CACNA2D1: variants seen among roughly 807,000 people sequenced by gnomAD.
CACNA2D1 encodes calcium voltage-gated channel auxiliary subunit alpha2delta 1.
Under a neutral mutation model 171.5 loss-of-function variants are expected in CACNA2D1, and 53 were observed. The ratio of observed to expected loss-of-function variants is 0.31; its 90% CI spans 0.25 to 0.39. The LOEUF (loss-of-function observed/expected upper bound fraction) is 0.39, where lower values mean the gene tolerates loss of function less well. Among genes scored for constraint, CACNA2D1 ranks in the 10% least tolerant of loss-of-function variants. The pLI is 1.00. For synonymous variants in CACNA2D1, 442 were observed against 443.1 expected (o/e 1.00, Z 0.03); for missense variants, 903 against 1,299.8 (o/e 0.69, Z 4.69).
At chr7:82,205,348 T>G (rs1333572151) in intron 3 of CACNA2D1, among the ~76,000 whole-genome samples, 1 of 152,148 alleles carries the variant, frequency 6.6e-6, no homozygotes, top group East Asian at 1.9e-4. Context: ...TTTGAAGGCT[T>G]GGGGGGAATC....
In CACNA2D1 at chr7:82,084,937, T is replaced by C. The variant is rs559067312; in HGVS notation, c.527-37A>G. ...GAGAGAAACCATTAATTAATTCAAA[T>C]TTGTAATTAAAAACTGAATGTCTTC... is the stretch of plus-strand genomic sequence containing the variant. On this transcript the variant is annotated intron_variant, in intron 6 of 38. Coordinates refer to ENST00000356860, the MANE Select transcript of CACNA2D1 (RefSeq NM_000722.4). 93 of 1,534,378 alleles carry C rather than the reference T, an allele frequency of 6.1e-5. No individual in the cohort carries two copies. The East Asian group carries it at 1.9e-3, about 32-fold the overall frequency.
intron 2 of CACNA2D1, among the ~76,000 whole-genome samples, chr7:82,341,114 T>C (rs1222700914): frequency 1.3e-5 from 2 of 152,174 alleles, no homozygotes; most frequent in African/African-American, 4.8e-5. Flanking sequence ...GCTTTCGAAC[T>C]ACTTGTTCCC....
At chr7:82,169,201 C>G (rs780584813) in intron 4 of CACNA2D1, among the ~76,000 whole-genome samples, 11 of 152,022 alleles carry the variant, frequency 7.2e-5, no homozygotes, top group Admixed American at 3.9e-4. Flanking sequence ...TCTTCATTCA[C>G]TAGATGAGCT....
At chr7:82,080,149 ACC>A (rs1043248004) in intron 7 of CACNA2D1, among the ~76,000 whole-genome samples, 11 of 55,224 alleles carry the variant, frequency 2.0e-4, no homozygotes, top group African/African-American at 8.2e-4. Flanking sequence ...ACACCTATAT[ACC>A]TATATATGTA....
At chr7:82,073,176 G>C (rs1239971640) in intron 7 of CACNA2D1, among the ~76,000 whole-genome samples, 1 of 152,102 alleles carries the variant, frequency 6.6e-6, no homozygotes, top group Non-Finnish European at 1.5e-5. Context: ...GAGAGGACAG[G>C]ATGGGCAAGA....
intron 6 of CACNA2D1, among the ~76,000 whole-genome samples, chr7:82,112,156 TC>T (rs1788549307): frequency 6.6e-6 from 1 of 152,200 alleles, no homozygotes; most frequent in Admixed American, 6.5e-5. Context: ...TCCTAAGTAA[TC>T]TACCCTACAC....
At chr7:81,951,967 G>GTGTTTTTTTTTTTTTTTT (rs1792580670) in intron 38 of CACNA2D1, among the ~76,000 whole-genome samples, 13 of 27,536 alleles carry the variant, frequency 4.7e-4, no homozygotes, top group African/African-American at 1.4e-3. Flanking sequence ...AGTGTACAAA[G>GTGTTTTTTTTTTTTTTTT]TGTTTTTTTT....
At chr7:82,194,307 T>G (rs2129191928) in intron 3 of CACNA2D1, among the ~76,000 whole-genome samples, 1 of 152,114 alleles carries the variant, frequency 6.6e-6, no homozygotes, top group East Asian at 1.9e-4. Context: ...ATAACAAACC[T>G]CATTTTGCTT....
At position 81,949,353 on chromosome 7, in the gene CACNA2D1, A is replaced by G. The variant is rs951711083; in HGVS notation, c.*1039T>C. ...ACAGTATATTCAGAGTAGTTTAACA[A>G]CATTTTAAAGATGACTTAAGTGCAT... On this transcript the variant is annotated 3_prime_UTR_variant, in exon 39 of 39. Coordinates refer to ENST00000356860, the MANE Select transcript of CACNA2D1 (RefSeq NM_000722.4). 1 of 152,072 alleles carries G rather than the reference A, an allele frequency of 6.6e-6. No individual in the cohort carries two copies. The highest frequency in any genetic ancestry group is 2.4e-5 in the African/African-American group (1 of 41,442). 9.4% of individuals were successfully genotyped at this position (152,072 alleles called of 1,614,324 possible).
intron 12 of CACNA2D1, chr7:82,021,295 A>C (rs1359173536): frequency 2.6e-5 from 4 of 152,134 alleles, no homozygotes; most frequent in African/African-American, 9.6e-5. Flanking sequence ...GAGAATGCTC[A>C]TGAAAAACTA....
intron 3 of CACNA2D1, among the ~76,000 whole-genome samples, chr7:82,186,175 AGAAGGAAGGAAG>A (rs1199135547): frequency 9.0e-6 from 1 of 111,472 alleles, no homozygotes; most frequent in Non-Finnish European, 1.9e-5. Flanking sequence ...AAAAAGAGAG[AGAAGGAAGGAAG>A]GAAGGGAGGG....
intron 3 of CACNA2D1, among the ~76,000 whole-genome samples, chr7:82,216,797 C>T (rs1240655884): frequency 2.7e-5 from 4 of 150,656 alleles, no homozygotes; most frequent in Non-Finnish European, 4.4e-5. Flanking sequence ...AAAGAAACAT[C>T]CATAAATTTT....
chr7:82,135,127 A>C (rs868626924), intron 5 of CACNA2D1, among the ~76,000 whole-genome samples: 9 of 152,116 alleles, frequency 5.9e-5, no homozygotes, highest in African/African-American at 1.9e-4. Flanking sequence ...CATTATCTTT[A>C]TGCAATCCTT....
intron 8 of CACNA2D1, among the ~76,000 whole-genome samples, chr7:82,065,063 C>T (rs1022829198): frequency 2.6e-5 from 4 of 152,092 alleles, no homozygotes; most frequent in Admixed American, 1.3e-4. Context: ...GCCTGGCCAC[C>T]GACTGGAATG....
At position 82,013,501 on chromosome 7, in the gene CACNA2D1, T is replaced by C; in HGVS notation, c.1232A>G (p.Tyr411Cys). 9.4e-7 allele frequency: 1 copy of C among 1,066,982 alleles called. No homozygotes were observed. The highest frequency in any genetic ancestry group is 1.3e-6 in the Non-Finnish European group (1 of 762,572). The allele number at this position is 1,066,982 out of a possible 1,614,324, so 66.1% of individuals were successfully genotyped here. ...TATTGCACCAATGGAAGGAATTTCATAATAATAACCTGAAATATACATATA... is the reference window on the plus strand; with the variant it reads ...TATTGCACCAATGGAAGGAATTTCACAATAATAACCTGAAATATACATATA... ...WMACENKGYY[Y>C]EIPSIGAIRI... is the part of the protein sequence containing the mutation. Residue 411 changes from tyrosine to cysteine, a missense_variant, in exon 14 of 39, where the codon TAT becomes TGT. This residue lies in a region of CACNA2D1 where 623 missense variants were observed against 925.5 expected (regional missense o/e 0.67). Transcript: ENST00000356860.
intron 10 of CACNA2D1, among the ~76,000 whole-genome samples, chr7:82,043,788 CT>C (rs2131255012): frequency 6.6e-6 from 1 of 152,286 alleles, no homozygotes; most frequent in African/African-American, 2.4e-5. Context: ...TGAAATATTC[CT>C]GTTGCCTTAA....
chr7:82,207,042 G>A (rs1164778865), intron 3 of CACNA2D1, among the ~76,000 whole-genome samples: 2 of 152,138 alleles, frequency 1.3e-5, no homozygotes, highest in South Asian at 2.1e-4. Flanking sequence ...GTAAATGTTC[G>A]CAACAGGAGC....
At chr7:82,238,007 A>G (rs1803813488) in intron 3 of CACNA2D1, among the ~76,000 whole-genome samples, 1 of 151,990 alleles carries the variant, frequency 6.6e-6, no homozygotes, top group South Asian at 2.1e-4. Flanking sequence ...ACTATCTCAT[A>G]TATATTACAA....
At chr7:82,056,627 C>T (rs1039775804) in intron 10 of CACNA2D1, among the ~76,000 whole-genome samples, 3 of 152,200 alleles carry the variant, frequency 2.0e-5, no homozygotes, top group South Asian at 2.1e-4. Flanking sequence ...AACCAACCCA[C>T]GGGAATAGTG....
Sources: gnomAD v4.1 joint callset for allele counts (sites outside exome capture counted in the v4.1 genomes callset) on GRCh38, gnomAD v4.1.1 for gene constraint, gnomAD v4.1.1 regional missense constraint, MANE v1.5 for transcripts, NCBI Gene and HGNC (gene_info 2026-07-23, HGNC 2026-07-21) for gene names.